The following SDC4 variants were observed in gnomAD, a reference collection of about 807,000 sequenced individuals.
SDC4 encodes the protein syndecan 4.
SDC4 carries 17 observed loss-of-function variants against 20.5 expected under a neutral mutation model. The observed-to-expected ratio is 0.83, with a 90% CI of 0.57 to 1.25. The LOEUF is 1.25. Among genes scored for constraint, SDC4 ranks in the 50% most tolerant of loss-of-function variants. The pLI, the probability that SDC4 is intolerant of heterozygous loss-of-function variation, is 0.00. For missense variants in SDC4, 241 were observed against 252.3 expected (o/e 0.96, Z 0.30); for synonymous variants, 107 against 105.3 (o/e 1.02, Z -0.10).
intron 1 of SDC4, among the ~76,000 whole-genome samples, chr20:45,338,628 G>A (rs542545859): frequency 2.6e-5 from 4 of 152,282 alleles, no homozygotes; most frequent in South Asian, 2.1e-4. Flanking sequence ...AATTACCTCC[G>A]TTTTACATTA....
intron 1 of SDC4, among the ~76,000 whole-genome samples, chr20:45,340,211 C>T (rs969629774): frequency 5.9e-5 from 9 of 152,190 alleles, no homozygotes; most frequent in African/African-American, 2.2e-4. Context: ...CTTCTATCAC[C>T]CCAGGAAAAG....
Position 45,347,339 on chromosome 20 carries a change from C to T in SDC4, c.60+986G>A, listed in dbSNP as rs1014658942. 3.3e-5 allele frequency among the ~76,000 whole-genome samples: 5 copies of T among 152,344 alleles called. No individual in the cohort carries two copies. The South Asian group carries it at 8.3e-4, about 25-fold the overall frequency. On this transcript the variant is annotated intron_variant, in intron 1 of 4. Coordinates refer to ENST00000372733, the MANE Select transcript of SDC4 (RefSeq NM_002999.4). ...GCACAAAGGGGGCACAAAGCTCAGGCTGTGGGGGACAGATTGCCTTCACCA... is the reference window on the plus strand; with the variant it reads ...GCACAAAGGGGGCACAAAGCTCAGGTTGTGGGGGACAGATTGCCTTCACCA...
In SDC4 at chr20:45,332,960, C is replaced by T. The variant is rs2741481; in HGVS notation, c.246+63G>A. On this transcript the variant is annotated intron_variant, in intron 3 of 4. Transcript: ENST00000372733. Reference sequence around the variant, plus strand: ...TGCCTATGGGGGCTGTATTTTCTGCCTCTCCCAATAGGTCTGCTATAGAGG... The same window carrying T: ...TGCCTATGGGGGCTGTATTTTCTGCTTCTCCCAATAGGTCTGCTATAGAGG... 3 of 1,481,366 alleles carry T rather than the reference C, an allele frequency of 2.0e-6. No individual in the cohort carries two copies. In the Admixed American group the frequency reaches 5.0e-5, roughly 25 times the overall value. 91.8% of individuals were successfully genotyped at this position (1,481,366 alleles called of 1,614,324 possible).
chr20:45,334,035 C>T (rs1213940030), intron 2 of SDC4, among the ~76,000 whole-genome samples: 1 of 151,718 alleles, frequency 6.6e-6, no homozygotes, highest in Non-Finnish European at 1.5e-5. Flanking sequence ...CTCTCTGTCG[C>T]CTGGGCTGGA....
rs1367684396 is a variant in SDC4, at chr20:45,326,941, T to G, written c.*323A>C. 1 of 202,978 alleles carries G rather than the reference T, an allele frequency of 4.9e-6. No individual in the cohort carries two copies. The highest frequency in any genetic ancestry group is 1.0e-5 in the Non-Finnish European group (1 of 100,322). The allele number at this position is 202,978 out of a possible 1,614,324, so 12.6% of individuals were successfully genotyped here. ...TAGCCCCCTGGCTTCAGAGGAGCTC[T>G]GGATGAGGCATGGTCAGTATGGGCT... On this transcript the variant is annotated 3_prime_UTR_variant, in exon 5 of 5. Coordinates refer to ENST00000372733, the MANE Select transcript of SDC4 (RefSeq NM_002999.4).
At chr20:45,342,356 T>C (rs1400850707) in intron 1 of SDC4, among the ~76,000 whole-genome samples, 1 of 152,134 alleles carries the variant, frequency 6.6e-6, no homozygotes, top group Non-Finnish European at 1.5e-5. Context: ...ATCCCCACTC[T>C]GGGTAGCCGG....
rs758691580 is a variant in SDC4, at chr20:45,330,422, G to A, written c.389C>T (p.Ser130Leu). ...EESEDVSNKV[S>L]MSSTVQGSNI... is the part of the protein sequence containing the mutation. ...GCTGCCCTGCACAGTGCTGGACATT[G>A]ACACCTTGTTGGACACATCCTCACT... The change falls in exon 4 of 5, where the codon TCA (serine) becomes TTA (leucine). Residue 130 changes from serine (S) to leucine (L), a missense_variant. Ser to Leu is a moderately radical substitution (Grantham distance 145). Coordinates refer to ENST00000372733, the MANE Select transcript of SDC4 (RefSeq NM_002999.4). 2 of 1,614,218 alleles carry A rather than the reference G, an allele frequency of 1.2e-6. No individual in the cohort carries two copies. Among genetic ancestry groups the A allele is most frequent in the South Asian group, 2.2e-5 (2 of 91,084 alleles).
chr20:45,329,978 TA>T (rs1400577365), intron 4 of SDC4, among the ~76,000 whole-genome samples: 1 of 151,644 alleles, frequency 6.6e-6, no homozygotes, highest in Admixed American at 6.6e-5. Context: ...AGTGATAGAG[TA>T]GGGGGAGGGG....
chr20:45,346,399 T>G (rs2145719121), intron 1 of SDC4, among the ~76,000 whole-genome samples: 1 of 152,254 alleles, frequency 6.6e-6, no homozygotes, highest in Middle Eastern at 3.4e-3. Flanking sequence ...GGCTGATGTC[T>G]CCTGCAGCTG....
chr20:45,333,217 T>C, intron 2 of SDC4, 148 bp from the exon 3 acceptor site: 1 of 714,280 alleles, frequency 1.4e-6, no homozygotes, highest in Non-Finnish European at 2.5e-6. Flanking sequence ...ACTTCAGTCA[T>C]CTCATCTGTA....
chr20:45,343,967 G>A (rs552737046), intron 1 of SDC4, among the ~76,000 whole-genome samples: 2 of 152,296 alleles, frequency 1.3e-5, no homozygotes, highest in South Asian at 2.1e-4. Context: ...GGTGGACTTC[G>A]CACGTCTGGA....
rs961590779 is a variant in SDC4, at chr20:45,348,237, C to G, written c.60+88G>C. ...TGGGGGTAGCGTACCCCCGATCTGCCCCCCCCCATCCCACGCTCCGACGAA... is the reference window on the plus strand; with the variant it reads ...TGGGGGTAGCGTACCCCCGATCTGCGCCCCCCCATCCCACGCTCCGACGAA... On this transcript the variant is annotated intron_variant, in intron 1 of 4. Transcript: ENST00000372733. 57 of 970,226 alleles carry G rather than the reference C, an allele frequency of 5.9e-5. 2 individuals carry two copies. The highest frequency in any genetic ancestry group is 7.2e-5 in the Non-Finnish European group (49 of 680,802). 60.1% of individuals were successfully genotyped at this position (970,226 alleles called of 1,614,324 possible).
intron 3 of SDC4, 112 bp downstream of exon 3, chr20:45,332,911 T>C: frequency 1.0e-6 from 1 of 1,003,038 alleles, no homozygotes. Flanking sequence ...TCCCGCATAG[T>C]GGGGTAAGAC....
At chr20:45,331,856 A>G (rs1199850048) in intron 3 of SDC4, among the ~76,000 whole-genome samples, 1 of 152,202 alleles carries the variant, frequency 6.6e-6, no homozygotes, top group African/African-American at 2.4e-5. Context: ...ACATATAATC[A>G]AGAAATAACC....
chr20:45,327,563 T>C, intron 4 of SDC4, 148 bp from the exon 5 acceptor site: 1 of 878,892 alleles, frequency 1.1e-6, no homozygotes, highest in East Asian at 2.7e-5. Context: ...ATGCCTTATT[T>C]AAGTTGACCT....
At position 45,327,215 on chromosome 20, in the gene SDC4, C is replaced by G. The variant is rs1188622786; in HGVS notation, c.*49G>C. 1 of 1,608,844 alleles carries G rather than the reference C, an allele frequency of 6.2e-7. No homozygotes were observed. Among genetic ancestry groups the G allele is most frequent in the Non-Finnish European group, 8.5e-7 (1 of 1,176,408 alleles). ...CCCTAATGTCCACCCTTCAAAATCC[C>G]CTGGCTTCCCTCCCCGCTAAAGTCC... is the stretch of plus-strand genomic sequence containing the variant. On this transcript the variant is annotated 3_prime_UTR_variant, in exon 5 of 5. Coordinates refer to ENST00000372733, the MANE Select transcript of SDC4 (RefSeq NM_002999.4).
At chr20:45,348,222 G>T in intron 1 of SDC4, 103 bp downstream of exon 1, 2 of 1,049,244 alleles carry the variant, frequency 1.9e-6, no homozygotes, top group Non-Finnish European at 2.8e-6. Flanking sequence ...TGGGGGTAGC[G>T]TACCCCCGAT....
chr20:45,330,366 C>T lies in SDC4; in HGVS notation c.445G>A (p.Ala149Thr). 1 of 1,613,794 alleles carries T rather than the reference C, an allele frequency of 6.2e-7. No homozygotes were observed. The highest frequency in any genetic ancestry group is 8.5e-7 in the Non-Finnish European group (1 of 1,179,966). Residue 149 changes from alanine (A) to threonine (T), a missense_variant and splice_region_variant, in exon 4 of 5, where the codon GCT (alanine) becomes ACT (threonine). Coordinates refer to ENST00000372733, the MANE Select transcript of SDC4 (RefSeq NM_002999.4). Reference protein sequence around the residue: ...NIFERTEVLAALIVGGIVGIL... With the variant: ...NIFERTEVLATLIVGGIVGIL... ...TCTTATAAGCAGCATGGGGACTTAC[C>T]TGCCAGGACCTCCGTTCTCTCAAAG...
chr20:45,335,324 G>C (rs1277968934), intron 2 of SDC4, among the ~76,000 whole-genome samples: 1 of 151,982 alleles, frequency 6.6e-6, no homozygotes, highest in Non-Finnish European at 1.5e-5. Context: ...ACTCCTACAG[G>C]TGCATGCCAC....
Sources: gnomAD v4.1 joint callset for allele counts (sites outside exome capture counted in the v4.1 genomes callset) on GRCh38, gnomAD v4.1.1 for gene constraint, MANE v1.5 for transcripts, NCBI Gene and HGNC (gene_info 2026-07-23, HGNC 2026-07-21) for gene names.